Variants in DENND10 observed in about 807,000 individuals in gnomAD.
The protein encoded by DENND10 is DENN domain containing 10, also known as DENN domain-containing protein 10.
DENND10 carries 24 observed loss-of-function variants against 43.6 expected under a neutral mutation model. The observed-to-expected ratio is 0.55, with a 90% CI of 0.40 to 0.77. The LOEUF is 0.77. Ranked by LOEUF, DENND10 falls within the 30% of genes least tolerant of loss-of-function variation. The pLI is 0.00. For missense variants in DENND10, 303 were observed against 429.9 expected, an observed-to-expected ratio of 0.70 and a Z score of 2.61; for synonymous variants, 125 against 157.6, an observed-to-expected ratio of 0.79 and a Z score of 1.55.
intron 7 of DENND10, among the ~76,000 whole-genome samples, chr10:119,129,909 T>C (rs1846005768): frequency 6.6e-6 from 1 of 152,216 alleles, no homozygotes; most frequent in Non-Finnish European, 1.5e-5. Flanking sequence ...ACATAACAAA[T>C]CACTTCAGAA....
At chr10:119,129,671 T>C (rs371833885) in intron 7 of DENND10, 49 bp downstream of exon 7, 10 of 1,356,806 alleles carry the variant, frequency 7.4e-6, no homozygotes, top group Admixed American at 6.8e-5. Context: ...CAAACAGTTG[T>C]ACATTTTTAG....
At chr10:119,134,256 C>G (rs1299523388) in intron 8 of DENND10, 1 of 152,038 alleles carries the variant, frequency 6.6e-6, no homozygotes, top group Non-Finnish European at 1.5e-5. Flanking sequence ...CCAGGCTGAT[C>G]TTGAACTCCT....
rs1846425828 is a variant in DENND10, at chr10:119,137,872, A to C, written c.*1225A>C. The C allele has an allele frequency of 6.0e-6, 1 of 166,292 alleles. No homozygotes were observed. Among genetic ancestry groups the C allele is most frequent in the African/African-American group, 2.4e-5 (1 of 41,040 alleles). 10.3% of individuals were successfully genotyped at this position (166,292 alleles called of 1,614,324 possible). A position where few individuals can be genotyped will look rare whatever the true frequency, so the allele number is the denominator to read the frequency against. On this transcript the variant is annotated 3_prime_UTR_variant, in exon 9 of 9. Coordinates refer to ENST00000361432, the MANE Select transcript of DENND10 (RefSeq NM_207009.4). ...AATCTGCACTTTATGGAAATGAGGA[A>C]TATTAACATCTTTTTTCTCATTTTT...
At chr10:119,115,617 C>T (rs1302159233) in intron 3 of DENND10, among the ~76,000 whole-genome samples, 1 of 148,518 alleles carries the variant, frequency 6.7e-6, no homozygotes, top group African/African-American at 2.5e-5. Flanking sequence ...TCTCGATCTC[C>T]TGACCTCGTG....
intron 8 of DENND10, among the ~76,000 whole-genome samples, chr10:119,136,180 AAAC>A (rs1182204315): frequency 6.6e-6 from 1 of 152,106 alleles, no homozygotes; most frequent in African/African-American, 2.4e-5. Context: ...CCTGTCTCGA[AAAC>A]AACAACAAAA....
Position 119,132,871 on chromosome 10 carries a change from C to T in DENND10, c.897+262C>T, listed in dbSNP as rs186882134. 67 of 446,560 alleles carry T rather than the reference C, an allele frequency of 1.5e-4. No homozygotes were observed. Among genetic ancestry groups the T allele is most frequent in the African/African-American group, 1.1e-3 (55 of 50,760 alleles). 27.7% of individuals were successfully genotyped at this position (446,560 alleles called of 1,614,324 possible). On this transcript the variant is annotated intron_variant, in intron 8 of 8. Transcript: ENST00000361432. The surrounding 1 kb of genome is among the most constrained non-coding windows in gnomAD (Gnocchi z 4.2). Reference sequence around the variant, plus strand: ...CCGCTGGCAATGAGAAATGTAACTACCAAGTGGTCTGGAAGGCTTTTCTGG... The same window carrying T: ...CCGCTGGCAATGAGAAATGTAACTATCAAGTGGTCTGGAAGGCTTTTCTGG...
Position 119,117,614 on chromosome 10 carries a change from T to G in DENND10, c.428T>G (p.Phe143Cys). The part of the protein sequence containing the change: ...GICQSEENGS[F>C]LSKDFDARKA... ...TGCCAGAGTGAAGAAAACGGCTCTT[T>G]CCTTAGTAAGGATTTTGATGCCCGA... is the stretch of plus-strand genomic sequence containing the variant. The change falls in exon 4 of 9, where the codon TTC becomes TGC. Residue 143 changes from phenylalanine (F) to cysteine (C), a missense_variant. Transcript: ENST00000361432. The G allele has an allele frequency of 6.2e-7, 1 of 1,614,122 alleles. No homozygotes were observed. Among genetic ancestry groups the G allele is most frequent in the Non-Finnish European group, 8.5e-7 (1 of 1,180,000 alleles).
chr10:119,131,904 CTG>C (rs1846104127), intron 7 of DENND10, among the ~76,000 whole-genome samples: 1 of 152,216 alleles, frequency 6.6e-6, no homozygotes, highest in Non-Finnish European at 1.5e-5. Flanking sequence ...CTGTGTTGCT[CTG>C]TGTCTATAAA....
chr10:119,115,964 G>C (rs1416308531), intron 3 of DENND10, among the ~76,000 whole-genome samples: 4 of 151,716 alleles, frequency 2.6e-5, no homozygotes, highest in African/African-American at 7.3e-5. Flanking sequence ...GCGTTTCACC[G>C]TGTTGCCCGG....
intron 3 of DENND10, among the ~76,000 whole-genome samples, chr10:119,115,873 T>A (rs1373031520): frequency 6.6e-6 from 1 of 150,542 alleles, no homozygotes; most frequent in African/African-American, 2.4e-5. Context: ...AAGCAATTCT[T>A]CTGCCTCAGC....
intron 1 of DENND10, among the ~76,000 whole-genome samples, chr10:119,106,618 A>G (rs1163069212): frequency 1.3e-5 from 2 of 152,208 alleles, no homozygotes; most frequent in African/African-American, 4.8e-5. Context: ...GATTATAGGC[A>G]TGAGCCATTA....
chr10:119,127,071 G>A (rs145050769), intron 6 of DENND10, among the ~76,000 whole-genome samples: 2,035 of 147,256 alleles, frequency 0.014, 24 homozygotes, highest in South Asian at 0.042. Flanking sequence ...GCTAATTTTT[G>A]TATTTTTTTT....
At chr10:119,119,760 C>G (rs1845470349) in intron 4 of DENND10, among the ~76,000 whole-genome samples, 1 of 148,206 alleles carries the variant, frequency 6.7e-6, no homozygotes. Flanking sequence ...TTTAATGATA[C>G]AGAAAGATGC....
chr10:119,105,120 GT>G (rs992767062), intron 1 of DENND10: 1 of 152,232 alleles, frequency 6.6e-6, no homozygotes, highest in South Asian at 2.0e-4. Flanking sequence ...CTTCGAAAAA[GT>G]TTTATTTTCC....
rs999120500 is a variant in DENND10, at chr10:119,136,739, G to T, written c.*92G>T. 8.2e-6 allele frequency: 5 copies of T among 610,498 alleles called. No individual in the cohort carries two copies. The highest frequency in any genetic ancestry group is 5.8e-5 in the African/African-American group (3 of 52,108). 37.8% of individuals were successfully genotyped at this position (610,498 alleles called of 1,614,324 possible). On this transcript the variant is annotated 3_prime_UTR_variant, in exon 9 of 9. Coordinates refer to ENST00000361432, the MANE Select transcript of DENND10 (RefSeq NM_207009.4). The stretch of plus-strand genomic sequence containing the variant: ...TACATGAAGTCCTGAAAATAACAGA[G>T]AAACTGTTATATCTTTTTAATGATT...
rs1845358261 is a variant in DENND10 at position 119,117,679 on chromosome 10, A to G, written c.481+12A>G. On this transcript the variant is annotated intron_variant, in intron 4 of 8. Transcript: ENST00000361432. ...TGGCTCCATCAAAGGTAAGAAGGGA[A>G]AAAACAGGCCAGGGACGGTGGCTCA... 6.2e-7 allele frequency: 1 copy of G among 1,613,216 alleles called. No individual in the cohort carries two copies. The highest frequency in any genetic ancestry group is 8.5e-7 in the Non-Finnish European group (1 of 1,179,702).
chr10:119,123,337 G>C, intron 5 of DENND10, 132 bp from the exon 6 acceptor site: 1 of 631,948 alleles, frequency 1.6e-6, no homozygotes, highest in Non-Finnish European at 2.8e-6. Flanking sequence ...TTGGGGCTTG[G>C]TCTCACCTCT....
chr10:119,104,334 C>T (rs1201994044), intron 1 of DENND10, 137 bp downstream of exon 1: 3 of 793,438 alleles, frequency 3.8e-6, no homozygotes, highest in African/African-American at 3.8e-5. Context: ...CCTGTTGGGC[C>T]TGGACTGGGG....
chr10:119,123,457 T>C lies in DENND10; in HGVS notation c.594-12T>C, dbSNP rs1214669735. On this transcript the variant is annotated splice_polypyrimidine_tract_variant and intron_variant, in intron 5 of 8. Transcript: ENST00000361432. ...ACCAGCAACAACTTGAGTTCTTGCC[T>C]TGATTCCCCAGGACTCTGCCTGCCC... 2 of 1,610,020 alleles carry C rather than the reference T, an allele frequency of 1.2e-6. No individual in the cohort carries two copies. Among genetic ancestry groups the C allele is most frequent in the South Asian group, 2.2e-5 (2 of 90,926 alleles).
Sources: gnomAD v4.1 joint callset for allele counts (sites outside exome capture counted in the v4.1 genomes callset) on GRCh38, gnomAD v4.1.1 for gene constraint, Gnocchi (gnomAD v3.1) non-coding constraint, MANE v1.5 for transcripts, NCBI Gene and HGNC (gene_info 2026-07-23, HGNC 2026-07-21) for gene names.